YTHDF2: variants seen among roughly 807,000 people sequenced by gnomAD.
YTHDF2 encodes the protein YTH N6-methyladenosine RNA binding protein F2.
In YTHDF2, 2 loss-of-function variants were observed where a neutral mutation model predicts 50.4. The ratio of observed to expected loss-of-function variants is 0.04; its 90% CI spans 0.02 to 0.12. The LOEUF (loss-of-function observed/expected upper bound fraction) is 0.12, where lower values mean the gene tolerates loss of function less well. Ranked by LOEUF, YTHDF2 falls within the 10% of genes least tolerant of loss-of-function variation. The pLI is 1.00. For synonymous variants in YTHDF2, 217 were observed against 255.6 expected (o/e 0.85, Z 1.44); for missense variants, 483 against 722.6 (o/e 0.67, Z 3.80).
At position 28,742,490 on chromosome 1, in the gene YTHDF2, G is replaced by T; in HGVS notation, c.220G>T (p.Ala74Ser). ...IGFSYSLGEAAWSTGGDTAMP... is the reference protein window; with the variant it reads ...IGFSYSLGEASWSTGGDTAMP... Reference sequence around the variant, plus strand: ...CTTCTCCTATTCTTTGGGTGAAGCTGCTTGGTCTACGGGGGGTGACACAGC... The same window carrying T: ...CTTCTCCTATTCTTTGGGTGAAGCTTCTTGGTCTACGGGGGGTGACACAGC... Residue 74 changes from alanine to serine, a missense_variant, in exon 4 of 5, where the codon GCT becomes TCT. Coordinates refer to ENST00000373812, the MANE Select transcript of YTHDF2 (RefSeq NM_016258.3). 1 of 1,613,654 alleles carries T rather than the reference G, an allele frequency of 6.2e-7. No homozygotes were observed. The highest frequency in any genetic ancestry group is 8.5e-7 in the Non-Finnish European group (1 of 1,179,882).
In YTHDF2 at chr1:28,762,900, C is replaced by T. The variant is rs538761866; in HGVS notation, c.1717-6029C>T. On this transcript the variant is annotated intron_variant, in intron 4 of 4. Transcript: ENST00000373812. Reference sequence around the variant, plus strand: ...TTGGCTAGGCTGGAGTGCAGTGGCGCGATCTTGGCTCACCCGGGTTCAAGT... The same window carrying T: ...TTGGCTAGGCTGGAGTGCAGTGGCGTGATCTTGGCTCACCCGGGTTCAAGT... 8.6e-5 allele frequency among the ~76,000 whole-genome samples: 13 copies of T among 151,628 alleles called. No homozygotes were observed. The South Asian group carries it at 1.9e-3, about 22-fold the overall frequency.
chr1:28,751,708 G>C (rs1397572762), intron 4 of YTHDF2, among the ~76,000 whole-genome samples: 1 of 152,166 alleles, frequency 6.6e-6, no homozygotes, highest in African/African-American at 2.4e-5. Flanking sequence ...TAATTGCTGG[G>C]ATGGAACAGA....
chr1:28,769,019 C>G lies in YTHDF2; in HGVS notation c.*67C>G. On this transcript the variant is annotated 3_prime_UTR_variant, in exon 5 of 5. Transcript: ENST00000373812. ...TATCCTAAGAGGAAAAAATGACCTT[C>G]AAGAGAATTAGGACTTTTTTCTTAA... is the stretch of plus-strand genomic sequence containing the variant. 1.5e-6 allele frequency: 2 copies of G among 1,378,906 alleles called. No individual in the cohort carries two copies. The highest frequency in any genetic ancestry group is 2.7e-4 in the Middle Eastern group (1 of 3,688). The allele number at this position is 1,378,906 out of a possible 1,614,324, so 85.4% of individuals were successfully genotyped here.
chr1:28,741,717 T>G (rs1383294756), intron 3 of YTHDF2, among the ~76,000 whole-genome samples: 2 of 152,236 alleles, frequency 1.3e-5, no homozygotes, highest in African/African-American at 4.8e-5. Context: ...AAACTGGTAG[T>G]GAACCTTGCT....
chr1:28,748,933 T>C (rs1353675220), intron 4 of YTHDF2, among the ~76,000 whole-genome samples: 1 of 152,194 alleles, frequency 6.6e-6, no homozygotes, highest in Non-Finnish European at 1.5e-5. Flanking sequence ...GAACATCCTT[T>C]TGTATAAATA....
rs2087800686 is a variant in YTHDF2, at chr1:28,742,908, G to A, written c.638G>A (p.Ser213Asn). 6.2e-7 allele frequency: 1 copy of A among 1,614,160 alleles called. No individual in the cohort carries two copies. Residue 213 changes from serine (S) to asparagine (N), a missense_variant, in exon 4 of 5, where the codon AGC becomes AAC. Physicochemically the swap from Ser to Asn is conservative, Grantham distance 46. Around this residue, in one of 4 missense-constraint regions of YTHDF2, gnomAD observed 385 missense variants for 475.8 expected, o/e 0.81. Coordinates refer to ENST00000373812, the MANE Select transcript of YTHDF2 (RefSeq NM_016258.3). ...VPKVVGSAVG[S>N]GSITSNIVAS... ...AAAGTTGTAGGTTCTGCTGTTGGTA[G>A]CGGGTCCATTACTAGTAACATCGTG...
Position 28,742,377 on chromosome 1 carries a change from G to T in YTHDF2, c.133-26G>T, listed in dbSNP as rs761671171. 2.0e-6 allele frequency: 3 copies of T among 1,525,676 alleles called. No individual in the cohort carries two copies. In the South Asian group the frequency reaches 4.0e-5, roughly 20 times the overall value. The allele number at this position is 1,525,676 out of a possible 1,614,324, so 94.5% of individuals were successfully genotyped here. A position where few individuals can be genotyped will look rare whatever the true frequency, so the allele number is the denominator to read the frequency against. ...GCCTGATGTTAATTTTTTGTGTTTT[G>T]ATTTGCCTTTTTTTTTCTTCCACAG... is the stretch of plus-strand genomic sequence containing the variant. On this transcript the variant is annotated intron_variant, in intron 3 of 4. Transcript: ENST00000373812.
Position 28,769,210 on chromosome 1 carries a change from G to C in YTHDF2, c.*258G>C. 1 of 315,548 alleles carries C rather than the reference G, an allele frequency of 3.2e-6. No individual in the cohort carries two copies. The highest frequency in any genetic ancestry group is 5.8e-6 in the Non-Finnish European group (1 of 172,150). 19.5% of individuals were successfully genotyped at this position (315,548 alleles called of 1,614,324 possible). ...AAAATGTCCCTTTTATTTTGGCTTT[G>C]GTTGTGATTTCAGAGCATAATGCTA... On this transcript the variant is annotated 3_prime_UTR_variant, in exon 5 of 5. Coordinates refer to ENST00000373812, the MANE Select transcript of YTHDF2 (RefSeq NM_016258.3).
intron 4 of YTHDF2, among the ~76,000 whole-genome samples, chr1:28,749,986 GTTTTT>G (rs371730633): frequency 1.3e-5 from 1 of 78,332 alleles, no homozygotes; most frequent in Non-Finnish European, 2.2e-5. Context: ...AAAAAAGGTT[GTTTTT>G]TTTTTTTTTT....
chr1:28,749,106 A>T (rs1281892395), intron 4 of YTHDF2, among the ~76,000 whole-genome samples: 1 of 151,710 alleles, frequency 6.6e-6, no homozygotes, highest in Non-Finnish European at 1.5e-5. Flanking sequence ...TTTTTCCTGA[A>T]AAGTTTTGTT....
intron 4 of YTHDF2, among the ~76,000 whole-genome samples, chr1:28,765,280 A>G (rs542268806): frequency 6.6e-6 from 1 of 152,014 alleles, no homozygotes; most frequent in Admixed American, 6.6e-5. Flanking sequence ...GATTACAGAC[A>G]TGAGCCACCA....
chr1:28,750,378 G>A lies in YTHDF2; in HGVS notation c.1716+6392G>A, dbSNP rs533018853. 3.3e-5 allele frequency among the ~76,000 whole-genome samples: 5 copies of A among 152,236 alleles called. No homozygotes were observed. The South Asian group carries it at 1.0e-3, about 32-fold the overall frequency. ...ATATGGAGAAATATTTTTGTAGATG[G>A]AAAACTTGCTAAAAACGAAGTTCTT... is the stretch of plus-strand genomic sequence containing the variant. On this transcript the variant is annotated intron_variant, in intron 4 of 4. Coordinates refer to ENST00000373812, the MANE Select transcript of YTHDF2 (RefSeq NM_016258.3).
At position 28,747,757 on chromosome 1, in the gene YTHDF2, C is replaced by G. The variant is rs566514202; in HGVS notation, c.1716+3771C>G. 1.1e-4 allele frequency among the ~76,000 whole-genome samples: 16 copies of G among 151,588 alleles called. No individual in the cohort carries two copies. In the South Asian group the frequency reaches 3.1e-3, roughly 30 times the overall value. The stretch of plus-strand genomic sequence containing the variant: ...ATAAGTGAGTATCCTAGTTCTCAGC[C>G]GGTGAGCAAACCACCAAATAAAGGC... On this transcript the variant is annotated intron_variant, in intron 4 of 4. Transcript: ENST00000373812.
chr1:28,755,302 T>A (rs1015125181), intron 4 of YTHDF2, among the ~76,000 whole-genome samples: 1 of 152,096 alleles, frequency 6.6e-6, no homozygotes, highest in African/African-American at 2.4e-5. Flanking sequence ...ACCCTCAGGA[T>A]AGGTAAAGGC....
intron 4 of YTHDF2, among the ~76,000 whole-genome samples, chr1:28,753,831 C>T (rs111746770): frequency 3.0e-4 from 46 of 151,702 alleles, no homozygotes; most frequent in African/African-American, 9.2e-4. Flanking sequence ...CTCAGCCTCC[C>T]GAGTAGCTGG....
intron 4 of YTHDF2, among the ~76,000 whole-genome samples, chr1:28,762,285 G>C (rs1053457857): frequency 1.8e-4 from 27 of 152,004 alleles, no homozygotes; most frequent in African/African-American, 6.3e-4. Context: ...CCAGCTACTC[G>C]GGAGGCTGAG....
intron 3 of YTHDF2, 75 bp from the exon 4 acceptor site, chr1:28,742,328 G>C (rs1570462574): frequency 1.3e-6 from 2 of 1,497,092 alleles, no homozygotes; most frequent in Admixed American, 4.5e-5. Context: ...TTTGAATTGC[G>C]TGACTAGGTG....
chr1:28,764,871 GT>G (rs533858553), intron 4 of YTHDF2, among the ~76,000 whole-genome samples: 20 of 147,878 alleles, frequency 1.4e-4, no homozygotes, highest in Non-Finnish European at 2.6e-4. Flanking sequence ...TTTGTTTTTT[GT>G]TTTTTTTTTA....
chr1:28,742,681 C>G lies in YTHDF2; in HGVS notation c.411C>G (p.Asn137Lys). 6.2e-7 allele frequency: 1 copy of G among 1,614,158 alleles called. No homozygotes were observed. The highest frequency in any genetic ancestry group is 8.5e-7 in the Non-Finnish European group (1 of 1,180,032). The change falls in exon 4 of 5, where the codon AAC becomes AAG. Residue 137 changes from asparagine to lysine, a missense_variant. Coordinates refer to ENST00000373812, the MANE Select transcript of YTHDF2 (RefSeq NM_016258.3). ...SGIDFSAWGN[N>K]SSQGQSTQSS... ...TTGACTTCTCAGCATGGGGAAATAACAGTTCTCAGGGACAGTCTACTCAGA... is the reference window on the plus strand; with the variant it reads ...TTGACTTCTCAGCATGGGGAAATAAGAGTTCTCAGGGACAGTCTACTCAGA...
Sources: allele counts gnomAD v4.1 joint callset (sites outside exome capture counted in the v4.1 genomes callset), GRCh38; gene constraint gnomAD v4.1.1; regional missense constraint gnomAD v4.1.1; transcripts MANE v1.5; gene names NCBI Gene and HGNC (gene_info 2026-07-23, HGNC 2026-07-21).